The following GUCY1A2 variants were observed in gnomAD, a reference collection of about 807,000 sequenced individuals.
The protein encoded by GUCY1A2 is guanylate cyclase 1 soluble subunit alpha 2, also known as guanylate cyclase soluble subunit alpha-2.
In GUCY1A2, 27 loss-of-function variants were observed where a neutral mutation model predicts 63.5. The observed-to-expected ratio is 0.43, with a 90% confidence interval of 0.31 to 0.59. GUCY1A2 has a LOEUF of 0.59. Among genes scored for constraint, GUCY1A2 ranks in the 20% least tolerant of loss-of-function variants. The pLI, the probability that GUCY1A2 is intolerant of heterozygous loss-of-function variation, is 0.11. For synonymous variants in GUCY1A2, 364 were observed against 343.5 expected, an observed-to-expected ratio of 1.06 and a Z score of -0.66; for missense variants, 768 against 913.3, an observed-to-expected ratio of 0.84 and a Z score of 2.05.
intron 1 of GUCY1A2, among the ~76,000 whole-genome samples, chr11:107,009,022 C>T (rs186225837): frequency 6.6e-6 from 1 of 152,268 alleles, no homozygotes; most frequent in Non-Finnish European, 1.5e-5. Flanking sequence ...AACATCAGGA[C>T]CTCCACACAG....
chr11:106,900,512 C>A (rs1363269097), intron 4 of GUCY1A2, among the ~76,000 whole-genome samples: 1 of 152,172 alleles, frequency 6.6e-6, no homozygotes, highest in African/African-American at 2.4e-5. Flanking sequence ...GCCAATTTAA[C>A]GAAGTAAACA....
chr11:106,931,903 G>A (rs1302974901), intron 4 of GUCY1A2, among the ~76,000 whole-genome samples: 1 of 152,028 alleles, frequency 6.6e-6, no homozygotes, highest in Non-Finnish European at 1.5e-5. Flanking sequence ...TGTTGTCGTA[G>A]ATGCACTATT....
At chr11:106,711,342 T>C (rs944285239) in intron 6 of GUCY1A2, among the ~76,000 whole-genome samples, 2 of 152,198 alleles carry the variant, frequency 1.3e-5, no homozygotes, top group African/African-American at 2.4e-5. Flanking sequence ...TTAAAGATCT[T>C]GATGTAGCAG....
intron 4 of GUCY1A2, chr11:106,826,548 G>A (rs938677338): frequency 1.0e-5 from 16 of 1,601,666 alleles, no homozygotes; most frequent in African/African-American, 5.4e-5. Context: ...TTTGCATGAC[G>A]ACTTTGATGT....
At chr11:106,978,580 A>G (rs1290844480) in intron 3 of GUCY1A2, 39 bp downstream of exon 3, 2 of 1,327,256 alleles carry the variant, frequency 1.5e-6, no homozygotes, top group East Asian at 2.3e-5. Context: ...CCTCTCTTTC[A>G]TTCTCTCTCA....
At chr11:106,691,737 G>C (rs1862629473) in intron 7 of GUCY1A2, among the ~76,000 whole-genome samples, 1 of 152,138 alleles carries the variant, frequency 6.6e-6, no homozygotes, top group South Asian at 2.1e-4. Flanking sequence ...CAGTTTTTAT[G>C]AAATGGTATT....
chr11:106,809,792 T>C (rs1858739382), intron 5 of GUCY1A2, among the ~76,000 whole-genome samples: 1 of 142,474 alleles, frequency 7.0e-6, no homozygotes, highest in Non-Finnish European at 1.6e-5. Flanking sequence ...ATCATGATTC[T>C]TCACAGTTAT....
chr11:106,697,319 T>TGCA (rs1184953991), intron 7 of GUCY1A2, among the ~76,000 whole-genome samples: 1 of 152,246 alleles, frequency 6.6e-6, no homozygotes, highest in Admixed American at 6.5e-5. Context: ...TTTTTCCTGA[T>TGCA]GCACAGTGTT....
intron 7 of GUCY1A2, among the ~76,000 whole-genome samples, chr11:106,698,043 G>A (rs915746554): frequency 2.0e-5 from 3 of 151,080 alleles, no homozygotes; most frequent in African/African-American, 7.3e-5. Context: ...AAAACATTCA[G>A]TGGGTCTCTA....
At chr11:106,783,367 G>A (rs1864499098) in intron 5 of GUCY1A2, among the ~76,000 whole-genome samples, 1 of 152,208 alleles carries the variant, frequency 6.6e-6, no homozygotes, top group African/African-American at 2.4e-5. Flanking sequence ...ATAGATGGCA[G>A]ATGATCTGGA....
Position 106,880,461 on chromosome 11 carries a change from C to T in GUCY1A2, c.1206+58999G>A, listed in dbSNP as rs147197390. 2.3e-3 allele frequency among the ~76,000 whole-genome samples: 353 copies of T among 152,094 alleles called. 1 individual carries two copies. The highest frequency in any genetic ancestry group is 8.1e-3 in the African/African-American group (337 of 41,528). On this transcript the variant is annotated intron_variant, in intron 4 of 7. Transcript: ENST00000526355. ...ACTGTATGTAAGTCCCCTGAATAAACCCCACGTCTCATTCACTGGATCCAA... is the reference window on the plus strand; with the variant it reads ...ACTGTATGTAAGTCCCCTGAATAAATCCCACGTCTCATTCACTGGATCCAA...
intron 4 of GUCY1A2, among the ~76,000 whole-genome samples, chr11:106,838,629 T>C (rs1333913084): frequency 6.6e-6 from 1 of 151,946 alleles, no homozygotes; most frequent in African/African-American, 2.4e-5. Context: ...GAGCCTACTA[T>C]ATACAAATTT....
At position 106,675,579 on chromosome 11, in the gene GUCY1A2, AT is replaced by A; in HGVS notation, c.*11969del. 5.2e-6 allele frequency: 1 copy of A among 191,840 alleles called. No homozygotes were observed. Among genetic ancestry groups the A allele is most frequent in the Non-Finnish European group, 1.1e-5 (1 of 91,746 alleles). The allele number at this position is 191,840 out of a possible 1,614,324, so 11.9% of individuals were successfully genotyped here. A position where few individuals can be genotyped will look rare whatever the true frequency, so the allele number is the denominator to read the frequency against. On this transcript the variant is annotated 3_prime_UTR_variant, in exon 8 of 8. Coordinates refer to ENST00000526355, the MANE Select transcript of GUCY1A2 (RefSeq NM_000855.3). ...TTACAACTGTTCAAATTTCATCTTAATTTCTTCTATTTTTCTCAACCATATT... is the reference window on the plus strand; with the variant it reads ...TTACAACTGTTCAAATTTCATCTTAATTCTTCTATTTTTCTCAACCATATT...
intron 7 of GUCY1A2, among the ~76,000 whole-genome samples, chr11:106,699,256 G>T (rs1198580957): frequency 1.3e-5 from 2 of 152,144 alleles, no homozygotes; most frequent in Non-Finnish European, 2.9e-5. Context: ...ACTAGAAATG[G>T]TGCCATTTTT....
chr11:106,706,804 T>C (rs1360490797), intron 7 of GUCY1A2, among the ~76,000 whole-genome samples: 4 of 152,074 alleles, frequency 2.6e-5, no homozygotes, highest in African/African-American at 9.7e-5. Flanking sequence ...CTTCAGTAAC[T>C]TTTTTCATCG....
chr11:106,932,359 A>G (rs138366404), intron 4 of GUCY1A2, among the ~76,000 whole-genome samples: 39 of 151,838 alleles, frequency 2.6e-4, no homozygotes, highest in Non-Finnish European at 5.6e-4. Context: ...CTATACAGGA[A>G]CAATGCCATT....
intron 3 of GUCY1A2, among the ~76,000 whole-genome samples, chr11:106,962,340 A>T (rs1861068497): frequency 6.6e-6 from 1 of 152,010 alleles, no homozygotes; most frequent in Non-Finnish European, 1.5e-5. Context: ...TCATGAGGTC[A>T]GGAGATCGAG....
intron 7 of GUCY1A2, among the ~76,000 whole-genome samples, chr11:106,706,677 G>T (rs1418296611): frequency 2.1e-5 from 3 of 141,578 alleles, no homozygotes; most frequent in Non-Finnish European, 1.5e-5. Context: ...TTTTTTAAGT[G>T]AAGTTGTCAC....
At chr11:106,828,110 G>A (rs1858999281) in intron 4 of GUCY1A2, among the ~76,000 whole-genome samples, 1 of 151,970 alleles carries the variant, frequency 6.6e-6, no homozygotes, top group South Asian at 2.1e-4. Context: ...TTAGTTCTTT[G>A]TTGGAGGCAT....
Sources: allele counts gnomAD v4.1 joint callset (sites outside exome capture counted in the v4.1 genomes callset), GRCh38; gene constraint gnomAD v4.1.1; transcripts MANE v1.5; gene names NCBI Gene and HGNC (gene_info 2026-07-23, HGNC 2026-07-21).